Variants in ASTN2 observed in about 807,000 individuals in gnomAD.
ASTN2 encodes astrotactin 2, also known as astrotactin-2.
ASTN2 carries 54 observed loss-of-function variants against 139.8 expected under a neutral mutation model. The ratio of observed to expected loss-of-function variants is 0.39; its 90% CI spans 0.31 to 0.48. The LOEUF (loss-of-function observed/expected upper bound fraction) is 0.48. ASTN2 is among the 20% of genes least tolerant of loss of function. ASTN2 has a pLI of 0.95. For missense variants in ASTN2, 1,565 were observed against 1,725.1 expected (o/e 0.91, Z 1.64); for synonymous variants, 756 against 719.5 (o/e 1.05, Z -0.81).
chr9:116,804,670 T>G (rs147248542), intron 13 of ASTN2, among the ~76,000 whole-genome samples: 95 of 152,272 alleles, frequency 6.2e-4, no homozygotes, highest in Non-Finnish European at 1.2e-3. Flanking sequence ...ATAATACAAT[T>G]ATCACTACTA....
intron 1 of ASTN2, among the ~76,000 whole-genome samples, chr9:117,333,986 C>T (rs12347770): frequency 4.3e-4 from 65 of 152,292 alleles, no homozygotes; most frequent in African/African-American, 1.6e-3. Context: ...CCTGGTTTCA[C>T]TTCCAAACCA....
At chr9:117,264,052 A>G (rs1833886618) in intron 2 of ASTN2, among the ~76,000 whole-genome samples, 1 of 152,150 alleles carries the variant, frequency 6.6e-6, no homozygotes, top group Admixed American at 6.5e-5. Flanking sequence ...CAAAATAAAT[A>G]AATAAATATT....
intron 13 of ASTN2, among the ~76,000 whole-genome samples, chr9:116,781,692 C>A (rs1009507067): frequency 6.6e-6 from 1 of 152,102 alleles, no homozygotes; most frequent in African/African-American, 2.4e-5. Context: ...AATTACATTT[C>A]TTCTGATTCC....
chr9:116,686,945 A>G, intron 16 of ASTN2: 1 of 1,482,184 alleles, frequency 6.7e-7, no homozygotes, highest in South Asian at 1.3e-5. Context: ...CTCAGATGGA[A>G]AAACAGATTC....
intron 20 of ASTN2, among the ~76,000 whole-genome samples, chr9:116,482,182 C>T (rs758083224): frequency 2.0e-5 from 3 of 152,042 alleles, no homozygotes; most frequent in Non-Finnish European, 4.4e-5. Flanking sequence ...AAATATTAGC[C>T]GGGCGTGGTG....
chr9:116,891,327 C>T (rs1833757027), intron 10 of ASTN2, among the ~76,000 whole-genome samples: 1 of 152,130 alleles, frequency 6.6e-6, no homozygotes, highest in South Asian at 2.1e-4. Context: ...TGAATACCTG[C>T]CTGGGTTTGT....
At chr9:117,171,606 C>T (rs1365191209) in intron 3 of ASTN2, among the ~76,000 whole-genome samples, 1 of 152,014 alleles carries the variant, frequency 6.6e-6, no homozygotes, top group African/African-American at 2.4e-5. Flanking sequence ...TCGGTTTCCC[C>T]CATGCTGTTC....
chr9:117,406,025 C>G (rs1026412791), intron 1 of ASTN2, among the ~76,000 whole-genome samples: 1 of 152,146 alleles, frequency 6.6e-6, no homozygotes, highest in Non-Finnish European at 1.5e-5. Flanking sequence ...AAATTCAGCC[C>G]ATCTCAAGTT....
chr9:116,579,582 G>C (rs1343761599), intron 19 of ASTN2, among the ~76,000 whole-genome samples: 3 of 152,148 alleles, frequency 2.0e-5, no homozygotes, highest in South Asian at 2.1e-4. Flanking sequence ...CTGGCCCTAA[G>C]GGCTAACCCT....
intron 10 of ASTN2, 28 bp from the exon 11 acceptor site, chr9:116,863,761 C>T (rs777562646): frequency 1.3e-6 from 2 of 1,579,424 alleles, no homozygotes; most frequent in Non-Finnish European, 1.7e-6. Flanking sequence ...TGGTTAAACC[C>T]CAGAGACATT....
intron 7 of ASTN2, among the ~76,000 whole-genome samples, chr9:117,005,501 CA>C (rs1837329722): frequency 1.3e-5 from 2 of 152,124 alleles, no homozygotes; most frequent in Admixed American, 1.3e-4. Context: ...TCAATGTGGT[CA>C]ATCCAGGTAC....
intron 5 of ASTN2, among the ~76,000 whole-genome samples, chr9:117,094,188 A>AGAGGG: frequency 2.7e-5 from 1 of 36,880 alleles, no homozygotes; most frequent in Admixed American, 2.4e-4. Context: ...GGGAGGGAGG[A>AGAGGG]GAGGAGAGGA....
At chr9:117,274,019 T>C (rs1834126040) in intron 2 of ASTN2, among the ~76,000 whole-genome samples, 1 of 152,150 alleles carries the variant, frequency 6.6e-6, no homozygotes, top group South Asian at 2.1e-4. Context: ...TCTCCCATGG[T>C]TATGGGCCTT....
Position 117,305,426 on chromosome 9 carries a change from G to C in ASTN2, c.443-13913C>G, listed in dbSNP as rs74986848. Among the ~76,000 whole-genome samples the C allele has an allele frequency of 1.2e-3, 190 of 152,268 alleles. 1 individual carries two copies. Among genetic ancestry groups the C allele is most frequent in the African/African-American group, 3.9e-3 (164 of 41,566 alleles). ...TCAACAGGAAAGGCTGAAATTCCCT[G>C]CTATTTTTTTAAATACATCAGCTCC... On this transcript the variant is annotated intron_variant, in intron 1 of 22. Transcript: ENST00000313400.
chr9:117,225,551 A>ACACAGATG lies in ASTN2; in HGVS notation c.631-10810_631-10809insCATCTGTG, dbSNP rs1832684015. On this transcript the variant is annotated intron_variant, in intron 2 of 22. Transcript: ENST00000313400. ...AAGCTGTATGTATATATATATATAT[A>ACACAGATG]TATATATATATATATATATATATAC... Among the ~76,000 whole-genome samples, 7 of 84,032 alleles carry ACACAGATG rather than the reference A, an allele frequency of 8.3e-5. 1 individual carries two copies. 55.1% of individuals were successfully genotyped at this position (84,032 alleles called of 152,430 possible). A position where few individuals can be genotyped will look rare whatever the true frequency, so the allele number is the denominator to read the frequency against.
At chr9:117,111,996 C>T (rs552835759) in intron 4 of ASTN2, among the ~76,000 whole-genome samples, 2 of 150,428 alleles carry the variant, frequency 1.3e-5, no homozygotes, top group Admixed American at 1.3e-4. Context: ...TACATACTGG[C>T]AGCAAAAGCT....
intron 6 of ASTN2, among the ~76,000 whole-genome samples, chr9:117,031,671 C>T (rs1838250406): frequency 6.6e-6 from 1 of 151,942 alleles, no homozygotes; most frequent in African/African-American, 2.4e-5. Flanking sequence ...GAGGCATTAC[C>T]CTAGGGTAAA....
At chr9:116,859,250 C>A (rs1249868554) in intron 11 of ASTN2, among the ~76,000 whole-genome samples, 2 of 152,200 alleles carry the variant, frequency 1.3e-5, no homozygotes, top group Admixed American at 6.5e-5. Flanking sequence ...AGGTAACATA[C>A]CAGTCACAGG....
chr9:117,010,290 C>T (rs2132590508), intron 6 of ASTN2, among the ~76,000 whole-genome samples: 1 of 152,246 alleles, frequency 6.6e-6, no homozygotes, highest in Middle Eastern at 3.4e-3. Flanking sequence ...AAACATGTCA[C>T]ATGGGTCCTT....
Sources: gnomAD v4.1 joint callset for allele counts (sites outside exome capture counted in the v4.1 genomes callset) on GRCh38, gnomAD v4.1.1 for gene constraint, MANE v1.5 for transcripts, NCBI Gene and HGNC (gene_info 2026-07-23, HGNC 2026-07-21) for gene names.